UBE2E3: variants seen among roughly 807,000 people sequenced by gnomAD.
UBE2E3 encodes ubiquitin-conjugating enzyme E2 E3.
Under a neutral mutation model 23.6 loss-of-function variants are expected in UBE2E3, and 5 were observed. The observed-to-expected ratio is 0.21, with a 90% confidence interval of 0.11 to 0.44. The LOEUF (loss-of-function observed/expected upper bound fraction) is 0.44. UBE2E3 is among the 20% of genes least tolerant of loss of function. The pLI, the probability that UBE2E3 is intolerant of heterozygous loss-of-function variation, is 0.99. For synonymous variants in UBE2E3, 78 were observed against 87.5 expected, an observed-to-expected ratio of 0.89 and a Z score of 0.60; for missense variants, 81 against 249.8, an observed-to-expected ratio of 0.32 and a Z score of 4.55.
At chr2:181,026,986 A>C (rs9808241) in intron 3 of UBE2E3, among the ~76,000 whole-genome samples, 3 of 151,958 alleles carry the variant, frequency 2.0e-5, no homozygotes, top group African/African-American at 7.2e-5. Flanking sequence ...AGCTAGAAAT[A>C]TCTCTTCATG....
At chr2:181,015,904 T>G (rs1251596329) in intron 3 of UBE2E3, among the ~76,000 whole-genome samples, 1 of 151,984 alleles carries the variant, frequency 6.6e-6, no homozygotes, top group Non-Finnish European at 1.5e-5. Context: ...AACTAGAAAC[T>G]GGGTACTCTT....
intron 3 of UBE2E3, among the ~76,000 whole-genome samples, chr2:181,018,437 C>T (rs1336332577): frequency 1.3e-5 from 2 of 151,714 alleles, no homozygotes; most frequent in Admixed American, 1.3e-4. Context: ...TATATTTGGC[C>T]TAGGATTGTA....
chr2:181,039,123 CTTT>C (rs11289425), intron 3 of UBE2E3, among the ~76,000 whole-genome samples: 113 of 66,260 alleles, frequency 1.7e-3, no homozygotes, highest in East Asian at 0.011. Context: ...AGAATGTGAC[CTTT>C]TTTTTTTTTT....
At chr2:181,058,108 G>GGT (rs1431772241) in intron 4 of UBE2E3, among the ~76,000 whole-genome samples, 21 of 151,746 alleles carry the variant, frequency 1.4e-4, no homozygotes, top group Admixed American at 1.4e-3. Context: ...AAGATCCTAT[G>GGT]AACCTTCATT....
At chr2:181,003,476 C>T (rs768917081) in intron 3 of UBE2E3, among the ~76,000 whole-genome samples, 8 of 152,060 alleles carry the variant, frequency 5.3e-5, no homozygotes, top group Admixed American at 2.0e-4. Context: ...GGGGGGATGA[C>T]GCTGTCTCAA....
chr2:181,041,234 C>CAAAAAAAAAAAAAAAAAAAAAAAAAA (rs1206207155), intron 3 of UBE2E3, among the ~76,000 whole-genome samples: 2 of 77,196 alleles, frequency 2.6e-5, no homozygotes, highest in Non-Finnish European at 2.4e-5. Flanking sequence ...GACTCCGTCT[C>CAAAAAAAAAAAAAAAAAAAAAAAAAA]AAAAAAAAAA....
intron 3 of UBE2E3, among the ~76,000 whole-genome samples, chr2:181,005,238 C>T (rs747511316): frequency 2.0e-5 from 3 of 152,190 alleles, no homozygotes; most frequent in Non-Finnish European, 4.4e-5. Flanking sequence ...CAGACTTTCT[C>T]CTTGTGATCA....
At chr2:181,045,271 G>C (rs1416611172) in intron 3 of UBE2E3, among the ~76,000 whole-genome samples, 3 of 152,172 alleles carry the variant, frequency 2.0e-5, no homozygotes, top group African/African-American at 7.2e-5. Context: ...TTTTTGAGGT[G>C]GTGATAGGGA....
chr2:181,021,795 C>T (rs916378085), intron 3 of UBE2E3, among the ~76,000 whole-genome samples: 5 of 151,606 alleles, frequency 3.3e-5, no homozygotes, highest in African/African-American at 1.2e-4. Flanking sequence ...GACTAGCTTT[C>T]TATTTGTTTT....
chr2:180,995,432 C>T (rs1056193924), intron 3 of UBE2E3, among the ~76,000 whole-genome samples: 2 of 152,140 alleles, frequency 1.3e-5, no homozygotes. Context: ...TATAAGAATA[C>T]AGTATGTAAT....
At chr2:180,992,550 T>TA (rs1684693829) in intron 3 of UBE2E3, among the ~76,000 whole-genome samples, 1 of 152,212 alleles carries the variant, frequency 6.6e-6, no homozygotes, top group Non-Finnish European at 1.5e-5. Context: ...TGTGTTGACT[T>TA]ATATCTGTGT....
intron 3 of UBE2E3, among the ~76,000 whole-genome samples, chr2:181,021,265 T>G (rs541206396): frequency 6.6e-6 from 1 of 152,276 alleles, no homozygotes; most frequent in East Asian, 1.9e-4. Flanking sequence ...AAGTCATATA[T>G]TCATTTAAGT....
At chr2:181,048,159 C>G (rs891239414) in intron 3 of UBE2E3, among the ~76,000 whole-genome samples, 1 of 152,116 alleles carries the variant, frequency 6.6e-6, no homozygotes, top group African/African-American at 2.4e-5. Flanking sequence ...TCCCTTATCT[C>G]TCTAACATTT....
At chr2:181,038,133 C>T (rs1686358024) in intron 3 of UBE2E3, among the ~76,000 whole-genome samples, 1 of 152,206 alleles carries the variant, frequency 6.6e-6, no homozygotes, top group African/African-American at 2.4e-5. Flanking sequence ...AGACCAACTT[C>T]CAGTCCTGAA....
At chr2:181,002,255 A>G (rs896776539) in intron 3 of UBE2E3, among the ~76,000 whole-genome samples, 2 of 152,212 alleles carry the variant, frequency 1.3e-5, no homozygotes, top group Non-Finnish European at 2.9e-5. Flanking sequence ...TACACAATTA[A>G]CAATATAATG....
intron 3 of UBE2E3, among the ~76,000 whole-genome samples, chr2:181,038,861 A>G (rs1686383524): frequency 6.6e-6 from 1 of 152,194 alleles, no homozygotes; most frequent in Admixed American, 6.5e-5. Context: ...TGCAAATTAA[A>G]ACCACGATGA....
At chr2:180,989,547 A>G (rs1684589806) in intron 3 of UBE2E3, among the ~76,000 whole-genome samples, 1 of 152,134 alleles carries the variant, frequency 6.6e-6, no homozygotes, top group South Asian at 2.1e-4. Context: ...GGAAATTGAT[A>G]CTCACAGTAG....
At chr2:181,026,034 C>A (rs1353398783) in intron 3 of UBE2E3, among the ~76,000 whole-genome samples, 2 of 151,846 alleles carry the variant, frequency 1.3e-5, no homozygotes, top group Non-Finnish European at 3.0e-5. Flanking sequence ...AATTTGATCT[C>A]ATTTGCAGGG....
intron 3 of UBE2E3, among the ~76,000 whole-genome samples, chr2:181,002,778 C>T (rs1377468320): frequency 2.0e-5 from 3 of 152,188 alleles, no homozygotes; most frequent in East Asian, 3.8e-4. Flanking sequence ...CAGAGATTTA[C>T]AATTGCTGCT....
Sources: gnomAD v4.1 joint callset for allele counts (sites outside exome capture counted in the v4.1 genomes callset) on GRCh38, gnomAD v4.1.1 for gene constraint, MANE v1.5 for transcripts, NCBI Gene and HGNC (gene_info 2026-07-23, HGNC 2026-07-21) for gene names.